The following LRCH3 variants were observed in gnomAD, a reference collection of about 807,000 sequenced individuals.
LRCH3 encodes DISP complex protein LRCH3.
Under a neutral mutation model 104.5 loss-of-function variants are expected in LRCH3, and 68 were observed. That is an observed-to-expected ratio of 0.65 (90% CI 0.54 to 0.80). The LOEUF (loss-of-function observed/expected upper bound fraction) is 0.80, where lower values mean the gene tolerates loss of function less well. LRCH3 is among the 30% of genes least tolerant of loss of function. The probability of loss-of-function intolerance (pLI) is 0.00; values close to 1 mark genes in which losing one functional copy is unlikely to be tolerated. For synonymous variants in LRCH3, 344 were observed against 361.3 expected (o/e 0.95, Z 0.54); for missense variants, 951 against 953.9 (o/e 1.00, Z 0.04).
intron 14 of LRCH3, among the ~76,000 whole-genome samples, chr3:197,857,696 C>T (rs1361060195): frequency 6.6e-6 from 1 of 152,194 alleles, no homozygotes; most frequent in African/African-American, 2.4e-5. Flanking sequence ...GCAGTAGTTC[C>T]AGTACCTTTG....
At chr3:197,813,777 C>T (rs1015872419) in intron 1 of LRCH3, among the ~76,000 whole-genome samples, 7 of 151,656 alleles carry the variant, frequency 4.6e-5, no homozygotes, top group East Asian at 1.9e-4. Context: ...GTGATCCACC[C>T]GCCTCAGCCT....
At chr3:197,820,204 GA>G in intron 3 of LRCH3, 120 bp from the exon 4 acceptor site, 1 of 695,662 alleles carries the variant, frequency 1.4e-6, no homozygotes. Flanking sequence ...CAGAACCATT[GA>G]ATTAAGCTAT....
chr3:197,817,133 G>A, intron 2 of LRCH3, 43 bp from the exon 3 acceptor site: 1 of 1,550,252 alleles, frequency 6.5e-7, no homozygotes, highest in Non-Finnish European at 8.7e-7. Context: ...TTTTTCTTCA[G>A]TGGTGGACTC....
Position 197,796,500 on chromosome 3 carries a change from T to C in LRCH3, c.262+4960T>C, listed in dbSNP as rs553241823. On this transcript the variant is annotated intron_variant, in intron 1 of 20. Coordinates refer to ENST00000425562, the MANE Select transcript of LRCH3 (RefSeq NM_001365715.1). The stretch of plus-strand genomic sequence containing the variant: ...CTGATTGAATTTATTTAAAAAAGGA[T>C]AGGAGTCCAAGATCACTGTTAAACC... 7.2e-4 allele frequency among the ~76,000 whole-genome samples: 110 copies of C among 152,340 alleles called. 2 individuals are homozygous for C. Among genetic ancestry groups the C allele is most frequent in the Non-Finnish European group, 2.6e-4 (18 of 68,024 alleles).
At position 197,813,510 on chromosome 3, in the gene LRCH3, A is replaced by AT. The variant is rs57062885; in HGVS notation, c.263-1360dup. Among the ~76,000 whole-genome samples the AT allele has an allele frequency of 3.7e-3, 245 of 66,048 alleles. 10 individuals carry two copies. The highest frequency in any genetic ancestry group is 5.8e-3 in the Non-Finnish European group (185 of 31,706). 43.3% of individuals were successfully genotyped at this position (66,048 alleles called of 152,430 possible). On this transcript the variant is annotated intron_variant, in intron 1 of 20. Transcript: ENST00000425562. ...CCGTTCTTCTAATGGGAGGCATATA[A>AT]TTTTTTTTTTTTTTTTTTTTTTTTT...
At chr3:197,791,633 C>G (rs563955576) in intron 1 of LRCH3, 93 bp downstream of exon 1, 1 of 1,382,758 alleles carries the variant, frequency 7.2e-7, no homozygotes, top group East Asian at 2.9e-5. Context: ...GTTACAGCAG[C>G]TCGTCCCGTA....
intron 19 of LRCH3, among the ~76,000 whole-genome samples, chr3:197,875,489 C>G (rs1026676813): frequency 6.6e-6 from 1 of 152,008 alleles, no homozygotes; most frequent in African/African-American, 2.4e-5. Flanking sequence ...CGTGGCGAAC[C>G]CTGTCTCTAC....
Position 197,884,418 on chromosome 3 carries a change from A to T in LRCH3, c.*752A>T, listed in dbSNP as rs1316295707. The T allele has an allele frequency of 7.1e-6, 1 of 140,886 alleles. No individual in the cohort carries two copies. The highest frequency in any genetic ancestry group is 7.0e-5 in the Admixed American group (1 of 14,356). 8.7% of individuals were successfully genotyped at this position (140,886 alleles called of 1,614,324 possible). A position where few individuals can be genotyped will look rare whatever the true frequency, so the allele number is the denominator to read the frequency against. ...GTGATCCACCTGCCTCGGCCTCCCA[A>T]AATGCTGGGATTACAGGCGTGAGCC... On this transcript the variant is annotated 3_prime_UTR_variant, in exon 21 of 21. Transcript: ENST00000425562.
chr3:197,805,674 G>A (rs768121001), intron 1 of LRCH3, among the ~76,000 whole-genome samples: 25 of 151,272 alleles, frequency 1.7e-4, no homozygotes, highest in Non-Finnish European at 5.9e-5. Context: ...AGGGGGACAT[G>A]CCTCCAAATT....
At chr3:197,822,617 T>C (rs965694085) in intron 4 of LRCH3, among the ~76,000 whole-genome samples, 12 of 152,204 alleles carry the variant, frequency 7.9e-5, no homozygotes, top group African/African-American at 2.9e-4. Context: ...TGAACTGAGT[T>C]AGCAAGTGAA....
rs114109218 is a variant in LRCH3, at chr3:197,820,461, A to G, written c.640+31A>G. 0.025 allele frequency: 34,147 copies of G among 1,350,348 alleles called. 527 individuals are homozygous for G. Among genetic ancestry groups the G allele is most frequent in the Non-Finnish European group, 0.031 (29,164 of 947,980 alleles). 83.6% of individuals were successfully genotyped at this position (1,350,348 alleles called of 1,614,324 possible). On this transcript the variant is annotated intron_variant, in intron 4 of 20. Transcript: ENST00000425562. ...AAACTATGAAATAAGAAACCATGAA[A>G]TAATTGTTTTATTATTTTAAAGCTC... is the stretch of plus-strand genomic sequence containing the variant.
At chr3:197,830,937 C>A in intron 7 of LRCH3, 74 bp downstream of exon 7, 2 of 1,274,162 alleles carry the variant, frequency 1.6e-6, no homozygotes, top group Non-Finnish European at 1.1e-6. Context: ...TGAAAAGCGT[C>A]TTAACTGGAT....
intron 6 of LRCH3, among the ~76,000 whole-genome samples, chr3:197,830,240 A>G (rs1000022948): frequency 1.3e-5 from 2 of 152,084 alleles, no homozygotes; most frequent in African/African-American, 4.8e-5. Flanking sequence ...GGCAGTCCCA[A>G]CCATCTGGAA....
intron 15 of LRCH3, among the ~76,000 whole-genome samples, chr3:197,861,380 G>A (rs989935485): frequency 2.6e-5 from 4 of 152,172 alleles, no homozygotes; most frequent in African/African-American, 9.7e-5. Flanking sequence ...GTATGGGAGA[G>A]AAGTTAATTT....
chr3:197,880,679 CTG>C, intron 20 of LRCH3: 1 of 1,536,810 alleles, frequency 6.5e-7, no homozygotes, highest in Non-Finnish European at 8.7e-7. Context: ...TGTTAACTCT[CTG>C]TGTGCTTTAT....
At chr3:197,882,517 C>CAAAAA (rs1199254858) in intron 20 of LRCH3, 23 of 862,584 alleles carry the variant, frequency 2.7e-5, no homozygotes, top group African/African-American at 9.6e-5. Flanking sequence ...CAATGAAAAG[C>CAAAAA]AAAACAAAAA....
intron 13 of LRCH3, among the ~76,000 whole-genome samples, chr3:197,852,920 G>T (rs1739809435): frequency 6.6e-6 from 1 of 152,068 alleles, no homozygotes; most frequent in Non-Finnish European, 1.5e-5. Flanking sequence ...AGTCCTGGGA[G>T]CTTTACCTGG....
intron 20 of LRCH3, chr3:197,882,744 T>G: frequency 4.1e-6 from 4 of 985,416 alleles, no homozygotes; most frequent in Non-Finnish European, 4.8e-6. Context: ...ATGCACACAT[T>G]AAGGAAGCGT....
intron 9 of LRCH3, among the ~76,000 whole-genome samples, chr3:197,838,731 A>G (rs988825498): frequency 6.6e-6 from 1 of 152,204 alleles, no homozygotes; most frequent in Non-Finnish European, 1.5e-5. Flanking sequence ...TGGTTTGTAG[A>G]TAAGTAAAAT....
Sources: gnomAD v4.1 joint callset for allele counts (sites outside exome capture counted in the v4.1 genomes callset) on GRCh38, gnomAD v4.1.1 for gene constraint, MANE v1.5 for transcripts, NCBI Gene and HGNC (gene_info 2026-07-23, HGNC 2026-07-21) for gene names.